Variants in ZNF683 observed in about 807,000 individuals in gnomAD.
ZNF683 encodes the protein tissue-resident T-cell transcription regulator protein ZNF683.
ZNF683 carries 20 observed loss-of-function variants against 31.4 expected under a neutral mutation model. The observed-to-expected ratio is 0.64, with a 90% CI of 0.45 to 0.93. The LOEUF is 0.93. Among genes scored for constraint, ZNF683 ranks in the 40% least tolerant of loss-of-function variants. The pLI is 0.00. For missense variants in ZNF683, 621 were observed against 637.2 expected (o/e 0.97, Z 0.27); for synonymous variants, 264 against 267.6 (o/e 0.99, Z 0.13).
At chr1:26,370,631 A>G in intron 1 of ZNF683, 1 of 985,222 alleles carries the variant, frequency 1.0e-6, no homozygotes, top group Non-Finnish European at 1.2e-6. Context: ...CAAAGCAAAT[A>G]CCATGGACCC....
In ZNF683 at chr1:26,367,628, TCTGTG is replaced by T; in HGVS notation, c.279_283del (p.Thr94ProfsTer25). The T allele has an allele frequency of 6.2e-7, 1 of 1,611,406 alleles. No individual in the cohort carries two copies. The highest frequency in any genetic ancestry group is 8.5e-7 in the Non-Finnish European group (1 of 1,179,392). The stretch of plus-strand genomic sequence containing the variant: ...GGCGTCCTCTTGGAGGCCCTGCAGG[TCTGTG>T]CCCAGGGGTGCCGGCTGTGGGGTGC... On this transcript the variant is annotated frameshift_variant, in exon 3 of 6. Coordinates refer to ENST00000349618, the MANE Select transcript of ZNF683 (RefSeq NM_001114759.3). LOFTEE classifies it high-confidence loss of function.
In ZNF683 at chr1:26,361,765, C is replaced by T. The variant is rs1400949197; in HGVS notation, c.1401G>A (p.Met467Ile). The stretch of plus-strand genomic sequence containing the variant: ...CTTTGACCTCATCTATGTCATAGCC[C>T]ATGTGTTTCTCAGATGCCACCGCCA... ...DLMAVASEKH[M>I]GYDIDEVKVS... is the part of the protein sequence containing the mutation. The change falls in exon 6 of 6, where the codon ATG becomes ATA. Residue 467 changes from methionine to isoleucine, a missense_variant. Physicochemically the swap from Met to Ile is conservative, Grantham distance 10. Coordinates refer to ENST00000349618, the MANE Select transcript of ZNF683 (RefSeq NM_001114759.3). 2 of 1,614,042 alleles carry T rather than the reference C, an allele frequency of 1.2e-6. No homozygotes were observed. The highest frequency in any genetic ancestry group is 1.7e-6 in the Non-Finnish European group (2 of 1,179,896).
chr1:26,371,599 CT>C (rs780820146), intron 1 of ZNF683, among the ~76,000 whole-genome samples: 2 of 129,640 alleles, frequency 1.5e-5, no homozygotes, highest in African/African-American at 6.1e-5. Context: ...GACCCTGTCT[CT>C]TTAAAAAAAA....
intron 1 of ZNF683, 26 bp downstream of exon 1, chr1:26,372,643 C>T (rs2074696215): frequency 7.7e-7 from 1 of 1,303,878 alleles, no homozygotes; most frequent in South Asian, 1.2e-5. Context: ...AAACTACTTC[C>T]CCTCTATCCG....
At chr1:26,374,458 C>A (rs12036074), upstream of ZNF683, 2 of 1,149,208 alleles carry the variant, frequency 1.7e-6, no homozygotes, top group East Asian at 6.2e-5. Context: ...AGGAGGTGGG[C>A]TGAGGACAGA....
Position 26,364,587 on chromosome 1 carries a change from ATT to A in ZNF683, c.957_958del (p.Lys319AsnfsTer73), listed in dbSNP as rs544613417. 5 of 1,613,774 alleles carry A rather than the reference ATT, an allele frequency of 3.1e-6. No individual in the cohort carries two copies. Among genetic ancestry groups the A allele is most frequent in the Non-Finnish European group, 4.2e-6 (5 of 1,179,882 alleles). ...GCCACATATGTTGCACTCGTACAGG[ATT>A]TTGCCATTCTTCTTTTTCAGCGGGT... On this transcript the variant is annotated frameshift_variant, in exon 4 of 6. Coordinates refer to ENST00000349618, the MANE Select transcript of ZNF683 (RefSeq NM_001114759.3). LOFTEE classifies it high-confidence loss of function.
chr1:26,363,813 C>G (rs1570244980), intron 4 of ZNF683, among the ~76,000 whole-genome samples: 1 of 150,874 alleles, frequency 6.6e-6, no homozygotes, highest in East Asian at 2.0e-4. Context: ...ATCACAAAAA[C>G]TCTAGGAATC....
At position 26,364,903 on chromosome 1, in the gene ZNF683, G is replaced by T. The variant is rs1305847031; in HGVS notation, c.643C>A (p.Gln215Lys). The T allele has an allele frequency of 1.6e-5, 24 of 1,545,264 alleles. No homozygotes were observed. The Admixed American group carries it at 3.5e-4, about 22-fold the overall frequency. ...LFTYGALPSDQCPHLLMLPQD... is the reference protein window; with the variant it reads ...LFTYGALPSDKCPHLLMLPQD... Reference sequence around the variant, plus strand: ...GGCAGCATGAGGAGGTGGGGACATTGGTCAGAAGGTAGGGCCCCATAGGTG... The same window carrying T: ...GGCAGCATGAGGAGGTGGGGACATTTGTCAGAAGGTAGGGCCCCATAGGTG... Residue 215 changes from glutamine (Q) to lysine (K), a missense_variant, in exon 4 of 6, where the codon CAA becomes AAA. Coordinates refer to ENST00000349618, the MANE Select transcript of ZNF683 (RefSeq NM_001114759.3).
rs776258164 is a variant in ZNF683 at position 26,368,490 on chromosome 1, T to G, written c.82A>C (p.Ser28Arg). Residue 28 changes from serine to arginine, a missense_variant, in exon 2 of 6, where the codon AGC becomes CGC. By Grantham distance (110) the Ser-to-Arg change is moderately radical. Coordinates refer to ENST00000349618, the MANE Select transcript of ZNF683 (RefSeq NM_001114759.3). ...CCTCGGAAGAGCTGGAAGTCCAGGCTGGGGGACAGGGAGCCCCCTGTACCT... is the reference window on the plus strand; with the variant it reads ...CCTCGGAAGAGCTGGAAGTCCAGGCGGGGGGACAGGGAGCCCCCTGTACCT... ...LGGTGGSLSPSLDFQLFRGDQ... is the reference protein window; with the variant it reads ...LGGTGGSLSPRLDFQLFRGDQ... 1 of 1,600,594 alleles carries G rather than the reference T, an allele frequency of 6.2e-7. No homozygotes were observed. Among genetic ancestry groups the G allele is most frequent in the Non-Finnish European group, 8.5e-7 (1 of 1,173,772 alleles).
Position 26,364,846 on chromosome 1 carries a change from G to A in ZNF683, c.700C>T (p.Pro234Ser), listed in dbSNP as rs367773176. Residue 234 changes from proline (P) to serine (S), a missense_variant, in exon 4 of 6, where the codon CCT becomes TCT. Transcript: ENST00000349618. The part of the protein sequence containing the change: ...QDPSYPTMAM[P>S]SLLMMVNELG... ...TCATTGACCATCATCAGCAGGCTAG[G>A]CATAGCCATGGTGGGGTAGGAGGGG... 11 of 1,566,506 alleles carry A rather than the reference G, an allele frequency of 7.0e-6. No homozygotes were observed. In the African/African-American group the frequency reaches 1.2e-4, roughly 17 times the overall value.
At chr1:26,362,202 G>A in intron 5 of ZNF683, 180 bp from the exon 6 acceptor site, 2 of 1,564,464 alleles carry the variant, frequency 1.3e-6, no homozygotes, top group Non-Finnish European at 1.7e-6. Context: ...AGGCCAACTT[G>A]GGTTAGTGTC....
rs989686226 is a variant in ZNF683, at chr1:26,362,285, G to C, written c.1144-263C>G. The C allele has an allele frequency of 3.7e-6, 4 of 1,072,170 alleles. No homozygotes were observed. In the Admixed American group the frequency reaches 6.0e-5, roughly 16 times the overall value. 66.4% of individuals were successfully genotyped at this position (1,072,170 alleles called of 1,614,324 possible). ...CTTCCTCTCCTCATTGGTAACATTG[G>C]TTATTAATACCTAGCTTCATAGATA... On this transcript the variant is annotated intron_variant, in intron 5 of 5. Transcript: ENST00000349618.
intron 5 of ZNF683, 169 bp from the exon 6 acceptor site, chr1:26,362,191 C>A (rs555849433): frequency 6.4e-7 from 1 of 1,574,276 alleles, no homozygotes; most frequent in East Asian, 2.3e-5. Flanking sequence ...ACATTAGAAC[C>A]AGGCCAACTT....
rs141270111 is a variant in ZNF683 at position 26,364,716 on chromosome 1, C to T, written c.830G>A (p.Gly277Glu). 2.5e-4 allele frequency: 402 copies of T among 1,613,804 alleles called. No individual in the cohort carries two copies. The highest frequency in any genetic ancestry group is 3.2e-4 in the Non-Finnish European group (383 of 1,179,872). Reference protein sequence around the residue: ...LPSQARNPGAGAAPTDSPGLE... With the variant: ...LPSQARNPGAEAAPTDSPGLE... ...GCCTGGGGAGTCGGTTGGGGCAGCT[C>T]CAGCACCTGGATTTCGGGCCTGGGA... Residue 277 changes from glycine (G) to glutamate (E), a missense_variant, in exon 4 of 6, where the codon GGA (glycine) becomes GAA (glutamate). Gly to Glu is a moderately conservative substitution (Grantham distance 98). Coordinates refer to ENST00000349618, the MANE Select transcript of ZNF683 (RefSeq NM_001114759.3).
At chr1:26,362,218 C>A in intron 5 of ZNF683, 196 bp from the exon 6 acceptor site, 4 of 1,551,836 alleles carry the variant, frequency 2.6e-6, no homozygotes, top group Non-Finnish European at 3.5e-6. Flanking sequence ...GTGTCCTTTA[C>A]TCCATGTGTG....
At chr1:26,370,671 A>G (rs2124205393) in intron 1 of ZNF683, 1 of 985,394 alleles carries the variant, frequency 1.0e-6, no homozygotes, top group Non-Finnish European at 1.2e-6. Flanking sequence ...GGGGCTCTCC[A>G]CTCGGTGCTG....
intron 3 of ZNF683, 110 bp downstream of exon 3, chr1:26,367,483 T>C (rs2074550563): frequency 1.7e-6 from 2 of 1,199,936 alleles, no homozygotes; most frequent in Non-Finnish European, 2.3e-6. Flanking sequence ...CTAAGCTCTG[T>C]CTTCATCAGT....
chr1:26,361,783 C>T lies in ZNF683; in HGVS notation c.1383G>A (p.Val461=). Residue 461 remains valine (V), a synonymous_variant, in exon 6 of 6, where the codon GTG becomes GTA. Transcript: ENST00000349618. ...WHQGALDLMA[V]ASEKHMGYDI... ...CATAGCCCATGTGTTTCTCAGATGC[C>T]ACCGCCATAAGATCTAGTGCCCCCT... 6.2e-7 allele frequency: 1 copy of T among 1,614,058 alleles called. No homozygotes were observed. Among genetic ancestry groups the T allele is most frequent in the South Asian group, 1.1e-5 (1 of 91,086 alleles).
At chr1:26,367,524 A>T (rs1403292170) in intron 3 of ZNF683, 69 bp downstream of exon 3, 1 of 1,435,618 alleles carries the variant, frequency 7.0e-7, no homozygotes, top group Non-Finnish European at 9.2e-7. Flanking sequence ...ACCCATCCCC[A>T]AACCTAGCAG....
Sources: allele counts gnomAD v4.1 joint callset (sites outside exome capture counted in the v4.1 genomes callset), GRCh38; gene constraint gnomAD v4.1.1; transcripts MANE v1.5; gene names NCBI Gene and HGNC (gene_info 2026-07-23, HGNC 2026-07-21).